XKR6: variants seen among roughly 807,000 people sequenced by gnomAD.
XKR6 encodes the protein XK-related protein 6.
A neutral mutation model predicts 56.7 loss-of-function variants in XKR6; 22 were observed. The ratio of observed to expected loss-of-function variants is 0.39; its 90% CI spans 0.28 to 0.55. The LOEUF (loss-of-function observed/expected upper bound fraction) is 0.55. Ranked by LOEUF, XKR6 falls within the 20% of genes least tolerant of loss-of-function variation. XKR6 has a pLI of 0.66. For synonymous variants in XKR6, 524 were observed against 387.8 expected (o/e 1.35, Z -4.13); for missense variants, 852 against 889.0 (o/e 0.96, Z 0.53).
chr8:11,149,073 G>C (rs1445630418), intron 1 of XKR6, among the ~76,000 whole-genome samples: 1 of 152,218 alleles, frequency 6.6e-6, no homozygotes, highest in African/African-American at 2.4e-5. Context: ...GGACCTGAAT[G>C]TTTGTGTGCC....
chr8:10,969,696 A>C (rs1802342956), intron 1 of XKR6, among the ~76,000 whole-genome samples: 1 of 152,170 alleles, frequency 6.6e-6, no homozygotes, highest in African/African-American at 2.4e-5. Flanking sequence ...TTTAACAAGG[A>C]CTGAACGTGA....
chr8:11,102,054 A>G lies in XKR6; in HGVS notation c.764+98522T>C, dbSNP rs74900005. Among the ~76,000 whole-genome samples, 655 of 152,326 alleles carry G rather than the reference A, an allele frequency of 4.3e-3. 1 individual carries two copies. The highest frequency in any genetic ancestry group is 0.015 in the African/African-American group (605 of 41,574). On this transcript the variant is annotated intron_variant, in intron 1 of 2. Coordinates refer to ENST00000416569, the MANE Select transcript of XKR6 (RefSeq NM_173683.4). ...ATTTAGAAACAGCGAGGGCTTCTGG[A>G]TGGGTCCAGGAGTGGCTGGAAAAGC...
chr8:11,142,162 A>G (rs1800736088), intron 1 of XKR6, among the ~76,000 whole-genome samples: 1 of 152,220 alleles, frequency 6.6e-6, no homozygotes, highest in Admixed American at 6.5e-5. Flanking sequence ...AAGGCACAGA[A>G]GCAATGATAA....
At chr8:11,083,030 T>C (rs917066248) in intron 1 of XKR6, among the ~76,000 whole-genome samples, 5 of 152,344 alleles carry the variant, frequency 3.3e-5, no homozygotes, top group African/African-American at 9.6e-5. Flanking sequence ...GCACTCCGTG[T>C]GCTTTAGAAT....
intron 1 of XKR6, among the ~76,000 whole-genome samples, chr8:10,980,542 G>T (rs1797708415): frequency 6.6e-6 from 1 of 152,210 alleles, no homozygotes. Flanking sequence ...CTAGCATGTT[G>T]TATGGATTAT....
intron 1 of XKR6, among the ~76,000 whole-genome samples, chr8:11,077,364 G>T (rs1384577888): frequency 6.6e-6 from 1 of 152,168 alleles, no homozygotes; most frequent in African/African-American, 2.4e-5. Context: ...GAGAGTGGCT[G>T]CAGGGTCACA....
intron 1 of XKR6, among the ~76,000 whole-genome samples, chr8:10,939,000 G>A (rs554736794): frequency 5.9e-5 from 9 of 152,178 alleles, no homozygotes; most frequent in Non-Finnish European, 1.2e-4. Flanking sequence ...CTTCAGTGGG[G>A]CCGCAAGAAA....
At chr8:10,985,666 C>G (rs1797846266) in intron 1 of XKR6, among the ~76,000 whole-genome samples, 1 of 151,630 alleles carries the variant, frequency 6.6e-6, no homozygotes, top group Non-Finnish European at 1.5e-5. Flanking sequence ...ACAAAAAAAC[C>G]TCTCATAAAA....
At chr8:11,108,019 G>A (rs926241678) in intron 1 of XKR6, 5 of 317,328 alleles carry the variant, frequency 1.6e-5, no homozygotes, top group Admixed American at 4.9e-5. Flanking sequence ...ATTTTTCCAC[G>A]ATGCGCCTCT....
At chr8:11,003,164 T>C (rs1256207390) in intron 1 of XKR6, among the ~76,000 whole-genome samples, 3 of 114,086 alleles carry the variant, frequency 2.6e-5, no homozygotes, top group Non-Finnish European at 4.6e-5. Context: ...CTTGAAATAA[T>C]AGAGTACGTA....
chr8:11,163,407 C>A (rs1212656237), intron 1 of XKR6, among the ~76,000 whole-genome samples: 1 of 151,948 alleles, frequency 6.6e-6, no homozygotes, highest in Non-Finnish European at 1.5e-5. Flanking sequence ...TCTCTTGTCA[C>A]CATTATCATT....
chr8:11,108,326 G>C (rs1409699878), intron 1 of XKR6: 3 of 456,096 alleles, frequency 6.6e-6, no homozygotes, highest in African/African-American at 6.0e-5. Context: ...TGAAACAACA[G>C]AATCCTAAAT....
intron 1 of XKR6, among the ~76,000 whole-genome samples, chr8:10,932,149 C>A (rs1169021568): frequency 6.6e-6 from 1 of 152,082 alleles, no homozygotes; most frequent in East Asian, 1.9e-4. Flanking sequence ...GAAAAAAACC[C>A]CACAATGAGA....
chr8:11,110,309 A>G (rs1347402721), intron 1 of XKR6, among the ~76,000 whole-genome samples: 1 of 152,138 alleles, frequency 6.6e-6, no homozygotes, highest in African/African-American at 2.4e-5. Flanking sequence ...TGTGCTTTAT[A>G]TTAAATACAT....
intron 1 of XKR6, among the ~76,000 whole-genome samples, chr8:10,930,261 A>C (rs1801015474): frequency 6.6e-6 from 1 of 152,174 alleles, no homozygotes; most frequent in Non-Finnish European, 1.5e-5. Flanking sequence ...GAAATCTCTG[A>C]TTGTGGATAA....
At chr8:10,966,295 G>T (rs938420375) in intron 1 of XKR6, among the ~76,000 whole-genome samples, 2 of 152,018 alleles carry the variant, frequency 1.3e-5, no homozygotes, top group Non-Finnish European at 2.9e-5. Flanking sequence ...CCACCCTTGG[G>T]AGCCACTGGT....
intron 2 of XKR6, among the ~76,000 whole-genome samples, chr8:10,920,402 G>C (rs920898032): frequency 1.3e-5 from 2 of 152,090 alleles, no homozygotes; most frequent in Admixed American, 1.3e-4. Flanking sequence ...GAAAAATGAG[G>C]AACAGACATG....
At position 10,897,018 on chromosome 8, in the gene XKR6, T is replaced by A. The variant is rs1054653878; in HGVS notation, c.*934A>T. 3.3e-5 allele frequency: 5 copies of A among 152,682 alleles called. No individual in the cohort carries two copies. The highest frequency in any genetic ancestry group is 1.2e-4 in the African/African-American group (5 of 41,462). 9.5% of individuals were successfully genotyped at this position (152,682 alleles called of 1,614,324 possible). The stretch of plus-strand genomic sequence containing the variant: ...ATTACTGACTATGTGTACAGAAATC[T>A]CCTTTAATTTGCTTTAGAATATCCT... On this transcript the variant is annotated 3_prime_UTR_variant, in exon 3 of 3. Coordinates refer to ENST00000416569, the MANE Select transcript of XKR6 (RefSeq NM_173683.4).
At chr8:10,966,993 A>T (rs1269361946) in intron 1 of XKR6, among the ~76,000 whole-genome samples, 1 of 152,016 alleles carries the variant, frequency 6.6e-6, no homozygotes, top group Non-Finnish European at 1.5e-5. Context: ...TCACTACTCA[A>T]AGTGTGGTCT....
Sources: gnomAD v4.1 joint callset for allele counts (sites outside exome capture counted in the v4.1 genomes callset) on GRCh38, gnomAD v4.1.1 for gene constraint, MANE v1.5 for transcripts, NCBI Gene and HGNC (gene_info 2026-07-23, HGNC 2026-07-21) for gene names.